Variants in NTHL1 observed in about 807,000 individuals in gnomAD.
The protein encoded by NTHL1 is nth like DNA glycosylase 1, also known as endonuclease III-like protein 1.
In NTHL1, 32 loss-of-function variants were observed where a neutral mutation model predicts 32.3. The observed-to-expected ratio is 0.99, with a 90% confidence interval of 0.75 to 1.33. The LOEUF is 1.33. Ranked by LOEUF, NTHL1 falls within the 40% of genes most tolerant of loss-of-function variation. The probability of loss-of-function intolerance (pLI) is 0.00; values close to 1 mark genes in which losing one functional copy is unlikely to be tolerated. For missense variants in NTHL1, 501 were observed against 414.1 expected (o/e 1.21, Z -1.82); for synonymous variants, 188 against 176.9 (o/e 1.06, Z -0.50).
Position 2,043,786 on chromosome 16 carries a change from G to A in NTHL1, c.526-60C>T, listed in dbSNP as rs2150941520. ...AGGGCACAGCCCAACCTGGGAGGAT[G>A]CAGCCCCCAGGAGACCCACAGGTGG... On this transcript the variant is annotated intron_variant, in intron 3 of 5. Transcript: ENST00000651570. This position sits in a 1 kb window ranked among gnomAD's most constrained non-coding sequence, Gnocchi z 4.4. 6.3e-7 allele frequency: 1 copy of A among 1,593,392 alleles called. No homozygotes were observed. Among genetic ancestry groups the A allele is most frequent in the African/African-American group, 1.3e-5 (1 of 74,840 alleles).
At chr16:2,042,289 G>C (rs2084277490) in intron 4 of NTHL1, 1 of 353,600 alleles carries the variant, frequency 2.8e-6, no homozygotes, top group Non-Finnish European at 5.6e-6. Context: ...GGCAGCTGAG[G>C]ACAGCCGCCC....
chr16:2,042,426 C>T (rs1239861726), intron 4 of NTHL1, among the ~76,000 whole-genome samples: 1 of 152,164 alleles, frequency 6.6e-6, no homozygotes, highest in Admixed American at 6.5e-5. Context: ...GCTGTTCAGC[C>T]TCACCAGGTG....
At chr16:2,046,455 T>C in intron 1 of NTHL1, 89 bp from the exon 2 acceptor site, 1 of 1,196,522 alleles carries the variant, frequency 8.4e-7, no homozygotes, top group Non-Finnish European at 1.2e-6. Flanking sequence ...CACCCCTCAC[T>C]CGTTCATGCC....
In NTHL1 at chr16:2,044,548, C is replaced by T; in HGVS notation, c.525+82G>A. Reference sequence around the variant, plus strand: ...TGAGATGCTTGACCCTCACTTCCTGCACCGTCGCCACCCCCCTCAGCCTTC... The same window carrying T: ...TGAGATGCTTGACCCTCACTTCCTGTACCGTCGCCACCCCCCTCAGCCTTC... On this transcript the variant is annotated intron_variant, in intron 3 of 5. Transcript: ENST00000651570. This position sits in a 1 kb window ranked among gnomAD's most constrained non-coding sequence, Gnocchi z 5.0. 1 of 1,566,802 alleles carries T rather than the reference C, an allele frequency of 6.4e-7. No homozygotes were observed. The highest frequency in any genetic ancestry group is 8.7e-7 in the Non-Finnish European group (1 of 1,153,610).
In NTHL1 at chr16:2,044,857, C is replaced by G. The variant is rs891039223; in HGVS notation, c.355-57G>C. 1 of 1,511,760 alleles carries G rather than the reference C, an allele frequency of 6.6e-7. No individual in the cohort carries two copies. Among genetic ancestry groups the G allele is most frequent in the Non-Finnish European group, 8.9e-7 (1 of 1,123,056 alleles). 93.6% of individuals were successfully genotyped at this position (1,511,760 alleles called of 1,614,324 possible). Reference sequence around the variant, plus strand: ...GGCGGGTCCTGGGTGATTCCCTGGCCAGGCTCCGCCCCCCGCCCTCGACAC... The same window carrying G: ...GGCGGGTCCTGGGTGATTCCCTGGCGAGGCTCCGCCCCCCGCCCTCGACAC... On this transcript the variant is annotated intron_variant, in intron 2 of 5. Transcript: ENST00000651570. This position sits in a 1 kb window ranked among gnomAD's most constrained non-coding sequence, Gnocchi z 5.0.
rs3087467 is a variant in NTHL1, at chr16:2,040,050, G to A, written c.792-3C>T. ...CATTGATCTCGTGCCACAGCTCCCT[G>A]TGGGGGTGGGGGCTGGGTCAGTGCT... is the stretch of plus-strand genomic sequence containing the variant. On this transcript the variant is annotated splice_region_variant and splice_polypyrimidine_tract_variant and intron_variant, in intron 5 of 5. Transcript: ENST00000651570. The A allele has an allele frequency of 1.5e-4, 237 of 1,612,556 alleles. No homozygotes were observed. In the African/African-American group the frequency reaches 2.9e-3, roughly 19 times the overall value.
At chr16:2,042,848 C>T (rs2084287364) in intron 4 of NTHL1, among the ~76,000 whole-genome samples, 1 of 103,458 alleles carries the variant, frequency 9.7e-6, no homozygotes, top group Admixed American at 9.3e-5. Flanking sequence ...CCCTCTCCAC[C>T]CTCCCCCCAT....
chr16:2,044,604 C>T lies in NTHL1; in HGVS notation c.525+26G>A, dbSNP rs760441908. Reference sequence around the variant, plus strand: ...TCTCTCTCAGGCCACTGCCACCCGGCCCCCGTTGCCACAGGCAGGGCTCAC... The same window carrying T: ...TCTCTCTCAGGCCACTGCCACCCGGTCCCCGTTGCCACAGGCAGGGCTCAC... On this transcript the variant is annotated intron_variant, in intron 3 of 5. Coordinates refer to ENST00000651570, the MANE Select transcript of NTHL1 (RefSeq NM_002528.7). This position sits in a 1 kb window ranked among gnomAD's most constrained non-coding sequence, Gnocchi z 5.0. 10 of 1,598,840 alleles carry T rather than the reference C, an allele frequency of 6.3e-6. No individual in the cohort carries two copies. The African/African-American group carries it at 8.0e-5, about 13-fold the overall frequency.
intron 1 of NTHL1, 51 bp from the exon 2 acceptor site, chr16:2,046,417 G>A (rs955758967): frequency 1.2e-5 from 18 of 1,549,008 alleles, no homozygotes; most frequent in Non-Finnish European, 1.5e-5. Flanking sequence ...GTGAAGGTAG[G>A]GTAGGGGTGC....
At position 2,046,118 on chromosome 16, in the gene NTHL1, C is replaced by A; in HGVS notation, c.354+10G>T. 1 of 1,608,546 alleles carries A rather than the reference C, an allele frequency of 6.2e-7. No homozygotes were observed. On this transcript the variant is annotated intron_variant, in intron 2 of 5. Coordinates refer to ENST00000651570, the MANE Select transcript of NTHL1 (RefSeq NM_002528.7). Reference sequence around the variant, plus strand: ...GGGGGGTCATCTGGGCAGATGGGGCCCCTGCCTACCTTTGGGGGGGCACTG... The same window carrying A: ...GGGGGGTCATCTGGGCAGATGGGGCACCTGCCTACCTTTGGGGGGGCACTG...
Position 2,040,122 on chromosome 16 carries a change from C to T in NTHL1, c.791+11G>A. 1 of 1,613,434 alleles carries T rather than the reference C, an allele frequency of 6.2e-7. No individual in the cohort carries two copies. The highest frequency in any genetic ancestry group is 8.5e-7 in the Non-Finnish European group (1 of 1,179,958). ...GCTCTTCTCCCTAGGAAGCCCCCCA[C>T]ATACTCATACCTAGGCAGCCACTCC... On this transcript the variant is annotated intron_variant, in intron 5 of 5. Coordinates refer to ENST00000651570, the MANE Select transcript of NTHL1 (RefSeq NM_002528.7).
Position 2,039,842 on chromosome 16 carries a change from T to C in NTHL1, c.*82A>G. The C allele has an allele frequency of 6.3e-7, 1 of 1,581,822 alleles. No individual in the cohort carries two copies. The highest frequency in any genetic ancestry group is 8.6e-7 in the Non-Finnish European group (1 of 1,167,366). On this transcript the variant is annotated 3_prime_UTR_variant, in exon 6 of 6. Transcript: ENST00000651570. ...ATCTGCAAACACACCAAAGCTTTAT[T>C]CAACAGGCGTGGCTTCCTGAAGCGT...
At position 2,043,265 on chromosome 16, in the gene NTHL1, T is replaced by G. The variant is rs972578658; in HGVS notation, c.685+302A>C. ...AGAGCACCCTGCACAACCATCAGGG[T>G]TTCCACTCCACGAGTGGGGAATTCC... On this transcript the variant is annotated intron_variant, in intron 4 of 5. Transcript: ENST00000651570. This position sits in a 1 kb window ranked among gnomAD's most constrained non-coding sequence, Gnocchi z 4.4. Among the ~76,000 whole-genome samples the G allele has an allele frequency of 1.3e-5, 2 of 151,452 alleles. No individual in the cohort carries two copies. Among genetic ancestry groups the G allele is most frequent in the African/African-American group, 2.4e-5 (1 of 41,176 alleles).
In NTHL1 at chr16:2,041,249, G is replaced by A. The variant is rs186699804; in HGVS notation, c.686-1011C>T. 1.8e-3 allele frequency among the ~76,000 whole-genome samples: 275 copies of A among 152,332 alleles called. 1 individual carries two copies. Among genetic ancestry groups the A allele is most frequent in the Middle Eastern group, 3.4e-3 (1 of 294 alleles). Reference sequence around the variant, plus strand: ...GCCTCAGTTTCCTCCTCTGTAACACGGAAGTGGCCATGCTTCAAGGCTGAG... The same window carrying A: ...GCCTCAGTTTCCTCCTCTGTAACACAGAAGTGGCCATGCTTCAAGGCTGAG... On this transcript the variant is annotated intron_variant, in intron 4 of 5. Coordinates refer to ENST00000651570, the MANE Select transcript of NTHL1 (RefSeq NM_002528.7).
In NTHL1 at chr16:2,047,720, T is replaced by C. The variant is rs778185523; in HGVS notation, c.104A>G (p.Glu35Gly). 2.5e-6 allele frequency: 4 copies of C among 1,582,878 alleles called. No individual in the cohort carries two copies. The highest frequency in any genetic ancestry group is 2.3e-5 in the East Asian group (1 of 43,460). The change falls in exon 1 of 6, where the codon GAG (glutamate) becomes GGG (glycine). Residue 35 changes from glutamate to glycine, a missense_variant. Glu to Gly is a moderately conservative substitution (Grantham distance 98). Transcript: ENST00000651570. ...REEPGPLRRR[E>G]AAAEARKSHS... ...CGGCGCGGCGCTACCTGCTGCAGCCTCTCTTCTCCGGAGAGGCCCGGGCTC... is the reference window on the plus strand; with the variant it reads ...CGGCGCGGCGCTACCTGCTGCAGCCCCTCTTCTCCGGAGAGGCCCGGGCTC...
In NTHL1 at chr16:2,040,007, C is replaced by T. The variant is rs139309757; in HGVS notation, c.832G>A (p.Gly278Ser). 62 of 1,611,498 alleles carry T rather than the reference C, an allele frequency of 3.8e-5. No homozygotes were observed. The highest frequency in any genetic ancestry group is 1.6e-4 in the Middle Eastern group (1 of 6,062). The part of the protein sequence containing the change: ...HEINGLLVGF[G>S]QQTCLPVHPR... ...TGCACAGGCAGACAGGTCTGCTGGC[C>T]GAAGCCCACCAAGAGTCCATTGATC... Residue 278 changes from glycine to serine, a missense_variant, in exon 6 of 6, where the codon GGC becomes AGC. Coordinates refer to ENST00000651570, the MANE Select transcript of NTHL1 (RefSeq NM_002528.7).
chr16:2,046,044 G>T, intron 2 of NTHL1, 84 bp downstream of exon 2: 1 of 1,144,700 alleles, frequency 8.7e-7, no homozygotes, highest in Non-Finnish European at 1.3e-6. Context: ...AGGGGAGGGT[G>T]CCAGCCAAAA....
intron 2 of NTHL1, among the ~76,000 whole-genome samples, chr16:2,045,354 C>T (rs557523121): frequency 2.6e-5 from 4 of 152,244 alleles, no homozygotes; most frequent in Admixed American, 6.5e-5. Flanking sequence ...AAACCCAACA[C>T]GATCGTATCT....
Position 2,046,385 on chromosome 16 carries a change from A to G in NTHL1, c.116-19T>C. ...CTCGCTTCTGCAAAAAGCACCACGC[A>G]GTCCCTCTGGTGGGGCCACAGGTGA... On this transcript the variant is annotated intron_variant, in intron 1 of 5. Transcript: ENST00000651570. 1.3e-6 allele frequency: 2 copies of G among 1,598,810 alleles called. No individual in the cohort carries two copies. Among genetic ancestry groups the G allele is most frequent in the South Asian group, 2.2e-5 (2 of 90,754 alleles).
Sources: gnomAD v4.1 joint callset for allele counts (sites outside exome capture counted in the v4.1 genomes callset) on GRCh38, gnomAD v4.1.1 for gene constraint, Gnocchi (gnomAD v3.1) non-coding constraint, MANE v1.5 for transcripts, NCBI Gene and HGNC (gene_info 2026-07-23, HGNC 2026-07-21) for gene names.